The following HTR2B variants were observed in gnomAD, a reference collection of about 807,000 sequenced individuals.
The protein encoded by HTR2B is 5-hydroxytryptamine receptor 2B, also known as 5-HT 2B receptor.
In HTR2B, 31 loss-of-function variants were observed where a neutral mutation model predicts 39.8. The ratio of observed to expected loss-of-function variants is 0.78; its 90% confidence interval spans 0.58 to 1.05. HTR2B has a LOEUF of 1.05. HTR2B is among the 50% of genes least tolerant of loss of function. HTR2B has a pLI of 0.00. For missense variants in HTR2B, 562 were observed against 578.0 expected, an observed-to-expected ratio of 0.97 and a Z score of 0.28; for synonymous variants, 210 against 207.1, an observed-to-expected ratio of 1.01 and a Z score of -0.12.
At chr2:231,110,779 T>TA (rs1695132339) in intron 3 of HTR2B, among the ~76,000 whole-genome samples, 1 of 152,262 alleles carries the variant, frequency 6.6e-6, no homozygotes, top group Non-Finnish European at 1.5e-5. Flanking sequence ...TTTATTGGCA[T>TA]ACTGCCACTC....
chr2:231,117,746 A>G (rs1695392288), intron 2 of HTR2B, among the ~76,000 whole-genome samples: 1 of 152,178 alleles, frequency 6.6e-6, no homozygotes, highest in Non-Finnish European at 1.5e-5. Context: ...TCCACAGAAA[A>G]GAGATCTTGC....
At chr2:231,118,503 A>G (rs1194059302) in intron 2 of HTR2B, among the ~76,000 whole-genome samples, 1 of 152,210 alleles carries the variant, frequency 6.6e-6, no homozygotes, top group African/African-American at 2.4e-5. Context: ...GTTGAATTTT[A>G]ACTGCTGTTT....
At position 231,113,863 on chromosome 2, in the gene HTR2B, G is replaced by GT; in HGVS notation, c.418dup (p.Thr140AsnfsTer28). 6.2e-7 allele frequency: 1 copy of GT among 1,614,140 alleles called. No homozygotes were observed. Among genetic ancestry groups the GT allele is most frequent in the Non-Finnish European group, 8.5e-7 (1 of 1,179,992 alleles). On this transcript the variant is annotated frameshift_variant, in exon 3 of 4. Transcript: ENST00000258400. LOFTEE classifies it high-confidence loss of function. Reference sequence around the variant, plus strand: ...GGCACAGAGATGCATGATGGATGCGGTTGAAAAGAGAACGTCAAGAAATAA... The same window carrying GT: ...GGCACAGAGATGCATGATGGATGCGGTTTGAAAAGAGAACGTCAAGAAATAA...
chr2:231,109,664 A>G (rs922658989), intron 3 of HTR2B, among the ~76,000 whole-genome samples: 13 of 152,232 alleles, frequency 8.5e-5, no homozygotes, highest in African/African-American at 3.1e-4. Context: ...AAGCTATAGT[A>G]TATCCATGAT....
rs1247045763 is a variant in HTR2B, at chr2:231,123,501, A to G, written c.264T>C (p.Ala88=). Residue 88 remains alanine, a synonymous_variant, in exon 2 of 4, where the codon GCT becomes GCC. Coordinates refer to ENST00000258400, the MANE Select transcript of HTR2B (RefSeq NM_000867.5). ...CCAAGGACATTAGAAAGTAATTAGT[A>G]GCATACTGCAGCTTCTTCTCCAGTG... ...AVSLEKKLQY[A]TNYFLMSLAV... 6 of 1,613,996 alleles carry G rather than the reference A, an allele frequency of 3.7e-6. No homozygotes were observed. The highest frequency in any genetic ancestry group is 5.1e-6 in the Non-Finnish European group (6 of 1,179,948).
At chr2:231,122,344 G>T (rs1695575479) in intron 2 of HTR2B, among the ~76,000 whole-genome samples, 1 of 151,980 alleles carries the variant, frequency 6.6e-6, no homozygotes, top group South Asian at 2.1e-4. Context: ...TAAAACCTGG[G>T]TATAATAGTT....
chr2:231,116,689 CT>C, intron 2 of HTR2B, among the ~76,000 whole-genome samples: 1 of 151,968 alleles, frequency 6.6e-6, no homozygotes, highest in East Asian at 1.9e-4. Context: ...CCCTGTTAGC[CT>C]CACTTTAAAC....
intron 3 of HTR2B, among the ~76,000 whole-genome samples, 162 bp from the exon 4 acceptor site, chr2:231,109,571 T>G (rs1695086229): frequency 6.6e-6 from 1 of 152,214 alleles, no homozygotes; most frequent in South Asian, 2.1e-4. Context: ...AGTGAAGATT[T>G]GACAAACAGA....
In HTR2B at chr2:231,108,845, G is replaced by A; in HGVS notation, c.1118C>T (p.Ser373Leu). The change falls in exon 4 of 4, where the codon TCA becomes TTA. Residue 373 changes from serine to leucine, a missense_variant. Transcript: ENST00000258400. Reference sequence around the variant, plus strand: ...GGTGTAGACCAAAGGATTCACTCCTGAGGAAACATAGCCTATCCACACAAA... The same window carrying A: ...GGTGTAGACCAAAGGATTCACTCCTAAGGAAACATAGCCTATCCACACAAA... Reference protein sequence around the residue: ...EIFVWIGYVSSGVNPLVYTLF... With the variant: ...EIFVWIGYVSLGVNPLVYTLF... 6.2e-7 allele frequency: 1 copy of A among 1,614,094 alleles called. No homozygotes were observed. The highest frequency in any genetic ancestry group is 1.3e-5 in the African/African-American group (1 of 75,010).
chr2:231,124,491 C>G (rs1695668156), intron 1 of HTR2B, among the ~76,000 whole-genome samples: 1 of 151,564 alleles, frequency 6.6e-6, no homozygotes, highest in Admixed American at 6.6e-5. Flanking sequence ...AATGTTTTAC[C>G]AGCTAGGGAT....
intron 2 of HTR2B, among the ~76,000 whole-genome samples, chr2:231,115,706 T>C (rs1265533261): frequency 6.6e-6 from 1 of 152,120 alleles, no homozygotes; most frequent in Admixed American, 6.6e-5. Context: ...TAAGTCTGAA[T>C]ATAGAGGTAA....
At chr2:231,112,936 AG>A (rs1471156053) in intron 3 of HTR2B, among the ~76,000 whole-genome samples, 3 of 152,106 alleles carry the variant, frequency 2.0e-5, no homozygotes, top group Non-Finnish European at 4.4e-5. Flanking sequence ...AGGCTGGGGC[AG>A]GGGGATCGCC....
At chr2:231,111,443 C>T (rs1695152839) in intron 3 of HTR2B, among the ~76,000 whole-genome samples, 1 of 152,180 alleles carries the variant, frequency 6.6e-6, no homozygotes, top group Non-Finnish European at 1.5e-5. Flanking sequence ...ACACTACTTT[C>T]CTATCCAGCT....
At position 231,111,947 on chromosome 2, in the gene HTR2B, G is replaced by A. The variant is rs528357688; in HGVS notation, c.553+1782C>T. Among the ~76,000 whole-genome samples, 70 of 152,076 alleles carry A rather than the reference G, an allele frequency of 4.6e-4. 1 individual carries two copies. The highest frequency in any genetic ancestry group is 1.6e-3 in the African/African-American group (68 of 41,490). On this transcript the variant is annotated intron_variant, in intron 3 of 3. Coordinates refer to ENST00000258400, the MANE Select transcript of HTR2B (RefSeq NM_000867.5). ...ATCATCTGTGTATTCTTAGTACCTA[G>A]CACATTATAAACACTCAATAAAAAT... is the stretch of plus-strand genomic sequence containing the variant.
At chr2:231,118,732 A>G (rs938942533) in intron 2 of HTR2B, among the ~76,000 whole-genome samples, 2 of 152,128 alleles carry the variant, frequency 1.3e-5, no homozygotes, top group Admixed American at 6.5e-5. Context: ...AGGTTACACT[A>G]TTTGTCCGGA....
intron 2 of HTR2B, among the ~76,000 whole-genome samples, chr2:231,117,872 GA>G (rs557874047): frequency 4.6e-5 from 7 of 152,214 alleles, no homozygotes; most frequent in Non-Finnish European, 7.4e-5. Flanking sequence ...CCCTAGGGGG[GA>G]AAAAATTCTG....
In HTR2B at chr2:231,117,249, A is replaced by G. The variant is rs569597504; in HGVS notation, c.353-3320T>C. Among the ~76,000 whole-genome samples, 459 of 152,192 alleles carry G rather than the reference A, an allele frequency of 3.0e-3. 3 individuals are homozygous for G. The highest frequency in any genetic ancestry group is 0.011 in the African/African-American group (448 of 41,574). On this transcript the variant is annotated intron_variant, in intron 2 of 3. Coordinates refer to ENST00000258400, the MANE Select transcript of HTR2B (RefSeq NM_000867.5). ...TTTGGTTTTAAGAATTTCTAATTAC[A>G]TTATTTGTTATAATGTATTCTGTCC... is the stretch of plus-strand genomic sequence containing the variant.
At chr2:231,111,908 G>A (rs957740894) in intron 3 of HTR2B, among the ~76,000 whole-genome samples, 1 of 152,038 alleles carries the variant, frequency 6.6e-6, no homozygotes, top group Non-Finnish European at 1.5e-5. Flanking sequence ...TGAATGCAAA[G>A]ATTCTTTTTC....
intron 2 of HTR2B, among the ~76,000 whole-genome samples, chr2:231,115,185 C>G (rs1238833528): frequency 6.8e-6 from 1 of 147,210 alleles, no homozygotes; most frequent in Non-Finnish European, 1.5e-5. Flanking sequence ...ATTAAAATCT[C>G]AGACCAAAAA....
Sources: allele counts gnomAD v4.1 joint callset (sites outside exome capture counted in the v4.1 genomes callset), GRCh38; gene constraint gnomAD v4.1.1; transcripts MANE v1.5; gene names NCBI Gene and HGNC (gene_info 2026-07-23, HGNC 2026-07-21).